Variants in PDE6A observed in about 807,000 individuals in gnomAD.
PDE6A encodes the protein phosphodiesterase 6A.
In PDE6A, 84 loss-of-function variants were observed where a neutral mutation model predicts 106.3. The ratio of observed to expected loss-of-function variants is 0.79; its 90% CI spans 0.66 to 0.95. The LOEUF is 0.95. PDE6A is among the 40% of genes least tolerant of loss of function. The pLI is 0.00. For synonymous variants in PDE6A, 394 were observed against 386.6 expected, an observed-to-expected ratio of 1.02 and a Z score of -0.23; for missense variants, 1,052 against 1,084.9, an observed-to-expected ratio of 0.97 and a Z score of 0.43.
intron 17 of PDE6A, among the ~76,000 whole-genome samples, chr5:149,873,494 G>C (rs1169018871): frequency 1.3e-5 from 2 of 152,096 alleles, no homozygotes; most frequent in Non-Finnish European, 2.9e-5. Context: ...ACCACGCCCA[G>C]CTAATTTTTG....
At chr5:149,925,919 C>G (rs1380445975) in intron 4 of PDE6A, among the ~76,000 whole-genome samples, 1 of 151,896 alleles carries the variant, frequency 6.6e-6, no homozygotes. Context: ...GAAATTAAGA[C>G]AGGATAGTAT....
intron 4 of PDE6A, among the ~76,000 whole-genome samples, chr5:149,930,640 A>G (rs1457464783): frequency 6.6e-6 from 1 of 152,200 alleles, no homozygotes. Context: ...TCTGGAATAG[A>G]TAAATTGCAG....
At chr5:149,920,343 G>A (rs915813977) in intron 5 of PDE6A, among the ~76,000 whole-genome samples, 3 of 152,186 alleles carry the variant, frequency 2.0e-5, no homozygotes, top group Non-Finnish European at 4.4e-5. Context: ...CACTGTGGGA[G>A]GCCGAGGTGG....
At chr5:149,895,812 A>AG (rs1752727208) in intron 12 of PDE6A, among the ~76,000 whole-genome samples, 2 of 151,472 alleles carry the variant, frequency 1.3e-5, no homozygotes, top group African/African-American at 4.9e-5. Context: ...GAGAGAGAGA[A>AG]AAAGAAGAAT....
chr5:149,884,230 A>G (rs1761038987), intron 16 of PDE6A, among the ~76,000 whole-genome samples: 1 of 148,280 alleles, frequency 6.7e-6, no homozygotes, highest in Non-Finnish European at 1.5e-5. Context: ...ACACACATAT[A>G]TATGTGTAGA....
chr5:149,918,306 G>C (rs547908110), intron 5 of PDE6A, among the ~76,000 whole-genome samples: 90 of 152,340 alleles, frequency 5.9e-4, no homozygotes, highest in African/African-American at 2.1e-3. Flanking sequence ...CAAGATTGCT[G>C]TGCCTGTGCT....
At chr5:149,906,470 G>A (rs1338386913) in intron 7 of PDE6A, among the ~76,000 whole-genome samples, 1 of 131,908 alleles carries the variant, frequency 7.6e-6, no homozygotes, top group Non-Finnish European at 1.6e-5. Context: ...AGGTTGCAAT[G>A]AGCCAAATTC....
intron 17 of PDE6A, among the ~76,000 whole-genome samples, chr5:149,876,036 T>A (rs2113529639): frequency 6.6e-6 from 1 of 152,326 alleles, no homozygotes; most frequent in Admixed American, 6.5e-5. Flanking sequence ...AGTCTTTCAT[T>A]GATCGATTTT....
At position 149,863,277 on chromosome 5, in the gene PDE6A, G is replaced by C; in HGVS notation, c.2359-11C>G. 6.2e-7 allele frequency: 1 copy of C among 1,614,114 alleles called. No individual in the cohort carries two copies. Among genetic ancestry groups the C allele is most frequent in the Non-Finnish European group, 8.5e-7 (1 of 1,179,972 alleles). ...GAAACGGGAGAATTCCTAGAAGAGA[G>C]AGTATGTGCCTCTGGTGCAAGGGCC... On this transcript the variant is annotated splice_polypyrimidine_tract_variant and intron_variant, in intron 20 of 21. Transcript: ENST00000255266. This position sits in a 1 kb window ranked among gnomAD's most constrained non-coding sequence, Gnocchi z 4.7.
At chr5:149,920,974 GAAAGAAAGAAAGAAAGAA>G (rs1226468057) in intron 5 of PDE6A, among the ~76,000 whole-genome samples, 91 of 131,102 alleles carry the variant, frequency 6.9e-4, no homozygotes, top group African/African-American at 3.2e-3. Flanking sequence ...AAGAAAGAAA[GAAAGAAAGAAAGAAAGAA>G]AGAAAAAGAA....
chr5:149,888,289 G>A (rs1028031464), intron 13 of PDE6A, among the ~76,000 whole-genome samples: 3 of 152,050 alleles, frequency 2.0e-5, no homozygotes, highest in Non-Finnish European at 2.9e-5. Flanking sequence ...CATGCTTCTA[G>A]AAATTATTAT....
chr5:149,876,926 G>GATAGATAGATAGATAGCTAC (rs961450003), intron 17 of PDE6A, among the ~76,000 whole-genome samples: 2 of 151,968 alleles, frequency 1.3e-5, no homozygotes, highest in African/African-American at 4.8e-5. Context: ...TAGATAGATA[G>GATAGATAGATAGATAGCTAC]ATAGATACAT....
At chr5:149,928,331 A>G (rs1753930898) in intron 4 of PDE6A, among the ~76,000 whole-genome samples, 1 of 145,112 alleles carries the variant, frequency 6.9e-6, no homozygotes, top group Non-Finnish European at 1.5e-5. Flanking sequence ...TCCACCTCCC[A>G]GGTTCAGGCA....
At chr5:149,937,153 T>G (rs1432061897) in intron 1 of PDE6A, among the ~76,000 whole-genome samples, 3 of 152,054 alleles carry the variant, frequency 2.0e-5, no homozygotes, top group Non-Finnish European at 4.4e-5. Flanking sequence ...AGCTGAAGGA[T>G]CAAGGGAGCC....
chr5:149,898,216 C>A, intron 10 of PDE6A, 147 bp downstream of exon 10: 3 of 689,426 alleles, frequency 4.4e-6, no homozygotes, highest in Non-Finnish European at 7.7e-6. Flanking sequence ...GCTGCTGCAT[C>A]CCTGTGCTAG....
chr5:149,920,939 A>AG (rs1753686007), intron 5 of PDE6A, among the ~76,000 whole-genome samples: 5 of 122,606 alleles, frequency 4.1e-5, no homozygotes, highest in African/African-American at 1.9e-4. Context: ...AGAGAAAGAG[A>AG]GAAAAAGAAA....
At chr5:149,927,723 C>A (rs989486442) in intron 4 of PDE6A, among the ~76,000 whole-genome samples, 48 of 151,882 alleles carry the variant, frequency 3.2e-4, no homozygotes, top group Admixed American at 2.6e-3. Context: ...TTAAAAAAAT[C>A]TCAAATTCTG....
Position 149,942,218 on chromosome 5 carries a change from C to T in PDE6A, c.474+1982G>A, listed in dbSNP as rs570192788. Among the ~76,000 whole-genome samples the T allele has an allele frequency of 2.6e-5, 4 of 152,338 alleles. No homozygotes were observed. The South Asian group carries it at 8.3e-4, about 32-fold the overall frequency. ...GCTCAAGTGGTCTTCCCACCTCAGC[C>T]TCCCAAAGTGCTGGGATTACAGGTG... On this transcript the variant is annotated intron_variant, in intron 1 of 21. Transcript: ENST00000255266.
intron 1 of PDE6A, among the ~76,000 whole-genome samples, chr5:149,935,373 G>T (rs150579668): frequency 2.0e-5 from 3 of 152,208 alleles, no homozygotes; most frequent in African/African-American, 7.2e-5. Context: ...TTGAACAAAA[G>T]AATTTGTTAT....
Sources: allele counts gnomAD v4.1 joint callset (sites outside exome capture counted in the v4.1 genomes callset), GRCh38; gene constraint gnomAD v4.1.1; non-coding constraint Gnocchi (gnomAD v3.1); transcripts MANE v1.5; gene names NCBI Gene and HGNC (gene_info 2026-07-23, HGNC 2026-07-21).